Variants in RNF38 observed in about 807,000 individuals in gnomAD.
RNF38 encodes ring finger protein 38, also known as E3 ubiquitin-protein ligase RNF38.
Under a neutral mutation model 67.2 loss-of-function variants are expected in RNF38, and 15 were observed. The observed-to-expected ratio is 0.22, with a 90% confidence interval of 0.15 to 0.34. RNF38 has a LOEUF of 0.34. RNF38 is among the 10% of genes least tolerant of loss of function. The pLI, the probability that RNF38 is intolerant of heterozygous loss-of-function variation, is 1.00. For synonymous variants in RNF38, 220 were observed against 218.8 expected (o/e 1.01, Z -0.05); for missense variants, 524 against 639.9 (o/e 0.82, Z 1.95).
At position 36,339,013 on chromosome 9, in the gene RNF38, GAGA is replaced by G. The variant is rs1328555098; in HGVS notation, c.*736_*738del. 1 of 152,526 alleles carries G rather than the reference GAGA, an allele frequency of 6.6e-6. No homozygotes were observed. The highest frequency in any genetic ancestry group is 2.4e-5 in the African/African-American group (1 of 41,408). 9.4% of individuals were successfully genotyped at this position (152,526 alleles called of 1,614,324 possible). A position where few individuals can be genotyped will look rare whatever the true frequency, so the allele number is the denominator to read the frequency against. On this transcript the variant is annotated 3_prime_UTR_variant, in exon 12 of 12. Coordinates refer to ENST00000259605, the MANE Select transcript of RNF38 (RefSeq NM_022781.5). ...TGACCCACTTAGGACCACCAATAAAGAGAAGGTGACAGCTGCCTGAAGCAAAGG... is the reference window on the plus strand; with the variant it reads ...TGACCCACTTAGGACCACCAATAAAGAGGTGACAGCTGCCTGAAGCAAAGG...
chr9:36,376,180 A>G, intron 2 of RNF38, 53 bp from the exon 3 acceptor site: 3 of 1,322,786 alleles, frequency 2.3e-6, no homozygotes. Context: ...AAGATTTCAC[A>G]TTACTGCATA....
chr9:36,350,283 G>C (rs1229508009), intron 9 of RNF38, among the ~76,000 whole-genome samples: 1 of 152,128 alleles, frequency 6.6e-6, no homozygotes, highest in Non-Finnish European at 1.5e-5. Flanking sequence ...ATCTAAATGG[G>C]TTTCCTTGTC....
chr9:36,396,860 T>C (rs1837546071), intron 1 of RNF38, among the ~76,000 whole-genome samples: 1 of 151,836 alleles, frequency 6.6e-6, no homozygotes, highest in Non-Finnish European at 1.5e-5. Flanking sequence ...CTCTGAGATG[T>C]TACTACCCTT....
At chr9:36,379,067 A>C (rs1836006196) in intron 2 of RNF38, among the ~76,000 whole-genome samples, 1 of 151,934 alleles carries the variant, frequency 6.6e-6, no homozygotes, top group Non-Finnish European at 1.5e-5. Flanking sequence ...TGCCTGGCTA[A>C]TTTCATATTT....
intron 9 of RNF38, among the ~76,000 whole-genome samples, chr9:36,345,931 G>A (rs187770448): frequency 5.3e-5 from 8 of 152,246 alleles, no homozygotes; most frequent in Admixed American, 1.3e-4. Context: ...TATAAATAGG[G>A]AGATGTGAAT....
intron 1 of RNF38, among the ~76,000 whole-genome samples, chr9:36,425,790 G>A (rs1019833522): frequency 3.3e-5 from 5 of 152,316 alleles, no homozygotes; most frequent in African/African-American, 9.6e-5. Context: ...AAAAGCACAC[G>A]ACTGTGGACC....
chr9:36,400,234 C>T lies in RNF38; in HGVS notation c.-126G>A, dbSNP rs1016016432. 1.4e-5 allele frequency: 20 copies of T among 1,440,442 alleles called. No homozygotes were observed. The highest frequency in any genetic ancestry group is 1.8e-5 in the Non-Finnish European group (20 of 1,094,630). The allele number at this position is 1,440,442 out of a possible 1,614,324, so 89.2% of individuals were successfully genotyped here. On this transcript the variant is annotated 5_prime_UTR_variant, in exon 1 of 12. Transcript: ENST00000259605. ...GAACTTGCATCCCCTGAGAACAAAA[C>T]GCAGCCTATCCAGAAACCCACGGAA...
At chr9:36,458,915 G>C (rs1355000091) in intron 1 of RNF38, among the ~76,000 whole-genome samples, 6 of 152,176 alleles carry the variant, frequency 3.9e-5, no homozygotes, top group African/African-American at 2.4e-5. Context: ...CTGTAAGACA[G>C]AAAGATTGCC....
chr9:36,414,605 G>A lies in RNF38; in HGVS notation n.312+10008C>T, dbSNP rs539119816. ...GGAGGCTGAGGCAGGAGAATCACTAGAACCCAGGAGGTGGAGGTTGTGGTG... is the reference window on the plus strand; with the variant it reads ...GGAGGCTGAGGCAGGAGAATCACTAAAACCCAGGAGGTGGAGGTTGTGGTG... On this transcript the variant is annotated intron_variant and non_coding_transcript_variant, in intron 2 of 3. Transcript: ENST00000488058. Among the ~76,000 whole-genome samples, 372 of 149,404 alleles carry A rather than the reference G, an allele frequency of 2.5e-3. 1 individual carries two copies. Among genetic ancestry groups the A allele is most frequent in the Non-Finnish European group, 3.9e-3 (266 of 67,768 alleles).
At chr9:36,464,067 G>A (rs1839801574) in intron 1 of RNF38, among the ~76,000 whole-genome samples, 1 of 152,022 alleles carries the variant, frequency 6.6e-6, no homozygotes, top group Non-Finnish European at 1.5e-5. Context: ...CTCAGGTTGA[G>A]GCAGGAGAAT....
chr9:36,466,159 T>C (rs1839858229), intron 1 of RNF38, among the ~76,000 whole-genome samples: 1 of 152,216 alleles, frequency 6.6e-6, no homozygotes, highest in African/African-American at 2.4e-5. Flanking sequence ...TTCATAAAAG[T>C]GCAAATTGTA....
intron 1 of RNF38, among the ~76,000 whole-genome samples, chr9:36,435,815 G>C (rs1195397838): frequency 1.3e-5 from 2 of 152,010 alleles, no homozygotes; most frequent in Non-Finnish European, 2.9e-5. Context: ...ATTTTTCATA[G>C]AGACAGGGTT....
At chr9:36,376,647 C>T (rs1835807013) in intron 2 of RNF38, among the ~76,000 whole-genome samples, 1 of 151,858 alleles carries the variant, frequency 6.6e-6, no homozygotes, top group South Asian at 2.1e-4. Context: ...TACATGGGGC[C>T]GGGCACAGTG....
rs1185238360 is a variant in RNF38, at chr9:36,337,593, A to C, written c.*2159T>G. On this transcript the variant is annotated 3_prime_UTR_variant, in exon 12 of 12. Transcript: ENST00000259605. ...GTAGTGTTAGATCTGTACAGATATA[A>C]ATTTTTTGCAGCTATATAAAAGTGT... 1 of 152,592 alleles carries C rather than the reference A, an allele frequency of 6.6e-6. No homozygotes were observed. The highest frequency in any genetic ancestry group is 2.4e-5 in the African/African-American group (1 of 41,406). The allele number at this position is 152,592 out of a possible 1,614,324, so 9.5% of individuals were successfully genotyped here. A position where few individuals can be genotyped will look rare whatever the true frequency, so the allele number is the denominator to read the frequency against.
At chr9:36,342,264 A>G in intron 11 of RNF38, 61 bp downstream of exon 11, 1 of 1,188,130 alleles carries the variant, frequency 8.4e-7, no homozygotes, top group Middle Eastern at 1.9e-4. Flanking sequence ...ACTTACTCTA[A>G]TCCATGGTCA....
At chr9:36,378,904 C>CT (rs35905528) in intron 2 of RNF38, among the ~76,000 whole-genome samples, 80,460 of 144,770 alleles carry the variant, frequency 0.56, 22,846 homozygotes, top group Non-Finnish European at 0.64. Flanking sequence ...TTTCTTTTTC[C>CT]TTTTTTTTTT....
rs76393811 is a variant in RNF38, at chr9:36,463,201, A to G, written n.241+24107T>C. On this transcript the variant is annotated intron_variant and non_coding_transcript_variant, in intron 1 of 3. Coordinates refer to the RNF38 transcript ENST00000488058. ...CTCACATCATGAGGATGTAAGCTTC[A>G]TAAGAGTAGAGGTTTTACCTGCTTT... 2.8e-3 allele frequency among the ~76,000 whole-genome samples: 433 copies of G among 152,276 alleles called. 3 individuals are homozygous for G. Among genetic ancestry groups the G allele is most frequent in the African/African-American group, 9.8e-3 (406 of 41,554 alleles).
intron 1 of RNF38, among the ~76,000 whole-genome samples, chr9:36,446,810 GAAAA>G (rs60691553): frequency 1.4e-4 from 4 of 28,198 alleles, no homozygotes; most frequent in Admixed American, 5.2e-4. Flanking sequence ...TCCGCCTCAA[GAAAA>G]AAAAAAAAAA....
At chr9:36,353,874 C>A (rs558751214) in intron 6 of RNF38, among the ~76,000 whole-genome samples, 26 of 152,270 alleles carry the variant, frequency 1.7e-4, no homozygotes, top group East Asian at 7.7e-4. Flanking sequence ...ATTACTTAAT[C>A]TGAACCTCAG....
Sources: gnomAD v4.1 joint callset for allele counts (sites outside exome capture counted in the v4.1 genomes callset) on GRCh38, gnomAD v4.1.1 for gene constraint, MANE v1.5 for transcripts, NCBI Gene and HGNC (gene_info 2026-07-23, HGNC 2026-07-21) for gene names.